The following HEPH variants were observed in gnomAD, a reference collection of about 807,000 sequenced individuals.
HEPH encodes hephaestin.
Under a neutral mutation model 80.8 loss-of-function variants are expected in HEPH, and 69 were observed. That is an observed-to-expected ratio of 0.85 (90% CI 0.70 to 1.04). The LOEUF (loss-of-function observed/expected upper bound fraction) is 1.04. HEPH is among the 50% of genes least tolerant of loss of function. The pLI is 0.00. For synonymous variants in HEPH, 431 were observed against 322.8 expected (o/e 1.34, Z -3.60); for missense variants, 1,115 against 891.3 (o/e 1.25, Z -3.20).
chrX:66,167,697 C>T (rs2086434676), intron 1 of HEPH, among the ~76,000 whole-genome samples: 2 of 112,109 alleles, frequency 1.8e-5, no homozygotes, highest in African/African-American at 6.5e-5. Flanking sequence ...GTATTGGCAG[C>T]ATGTGAAAGC....
At position 66,208,195 on chromosome X, in the gene HEPH, G is replaced by T; in HGVS notation, c.2512G>T (p.Ala838Ser). The change falls in exon 15 of 21, where the codon GCT becomes TCT. Residue 838 changes from alanine to serine, a missense_variant. By Grantham distance (99) the Ala-to-Ser change is moderately conservative (BLOSUM62 1). Around this residue, in one of 3 missense-constraint regions of HEPH, gnomAD observed 716 missense variants for 523.5 expected, o/e 1.37. Coordinates refer to ENST00000343002, the MANE Select transcript of HEPH (RefSeq NM_001367233.3). The part of the protein sequence containing the change: ...NNASRPYSVH[A>S]HGVLESTTVW... ...TGCCAGCCGCCCCTACTCTGTGCAT[G>T]CTCATGGAGTGCTAGAATCTACTAC... 1 of 1,208,250 alleles carries T rather than the reference G, an allele frequency of 8.3e-7. No individual in the cohort carries two copies. Among genetic ancestry groups the T allele is most frequent in the Non-Finnish European group, 1.1e-6 (1 of 892,655 alleles).
At position 66,164,339 on chromosome X, in the gene HEPH, T is replaced by G; in HGVS notation, c.-145T>G. The stretch of plus-strand genomic sequence containing the variant: ...AGTAAACCCTGCCAAATTGGAATCC[T>G]GGACTTAATTTAGGAGAAAGGCCCT... On this transcript the variant is annotated 5_prime_UTR_variant, in exon 1 of 21. Transcript: ENST00000343002. 1.3e-6 allele frequency: 1 copy of G among 754,054 alleles called. No homozygotes were observed. The highest frequency in any genetic ancestry group is 6.7e-5 in the South Asian group (1 of 14,816). 62.1% of individuals were successfully genotyped at this position (754,054 alleles called of 1,213,427 possible). A position where few individuals can be genotyped will look rare whatever the true frequency, so the allele number is the denominator to read the frequency against.
Position 66,217,674 on chromosome X carries a change from T to G in HEPH, c.2563+9428T>G, listed in dbSNP as rs975951043. Among the ~76,000 whole-genome samples, 4 of 111,329 alleles carry G rather than the reference T, an allele frequency of 3.6e-5. No homozygotes were observed. The Admixed American group carries it at 3.8e-4, about 11-fold the overall frequency. The stretch of plus-strand genomic sequence containing the variant: ...ACAAACAGCACAATGAATAGAACAA[T>G]ACCTTACATCTCACTACTAACATTT... On this transcript the variant is annotated intron_variant, in intron 15 of 20. Transcript: ENST00000343002.
intron 15 of HEPH, among the ~76,000 whole-genome samples, chrX:66,223,442 T>C (rs964780878): frequency 1.2e-4 from 13 of 111,594 alleles, no homozygotes; most frequent in African/African-American, 4.2e-4. Flanking sequence ...ATTTCACCTT[T>C]ATATTAGTAT....
chrX:66,189,536 G>T, intron 5 of HEPH, 148 bp from the exon 6 acceptor site: 5 of 567,332 alleles, frequency 8.8e-6, no homozygotes, highest in Non-Finnish European at 1.4e-5. Flanking sequence ...GGATGTTTTT[G>T]AGATTTAAAG....
intron 4 of HEPH, among the ~76,000 whole-genome samples, chrX:66,180,890 TC>T (rs1370341121): frequency 1.2e-5 from 1 of 86,882 alleles, no homozygotes; most frequent in African/African-American, 4.3e-5. Flanking sequence ...ATATTCCCCT[TC>T]CTGTGTCCAT....
At chrX:66,244,975 G>A (rs1282498968) in intron 15 of HEPH, among the ~76,000 whole-genome samples, 3 of 109,537 alleles carry the variant, frequency 2.7e-5, no homozygotes, top group African/African-American at 1.0e-4. Context: ...AGCAAATTAT[G>A]AAACATTATG....
intron 19 of HEPH, among the ~76,000 whole-genome samples, chrX:66,262,047 CT>C (rs1469654190): frequency 8.9e-6 from 1 of 112,382 alleles, no homozygotes; most frequent in Non-Finnish European, 1.9e-5. Flanking sequence ...GGAAGGATAG[CT>C]CATATCTCTC....
At position 66,192,205 on chromosome X, in the gene HEPH, G is replaced by A. The variant is rs376696395; in HGVS notation, c.1139G>A (p.Arg380Gln). ...GTGGACCTGCTCACAGGCAAAGTTC[G>A]ACAGTACTTCATTGAGGCCCATGAG... ...PPVDLLTGKV[R>Q]QYFIEAHEIQ... is the part of the protein sequence containing the mutation. Residue 380 changes from arginine to glutamine, a missense_variant, in exon 7 of 21, where the codon CGA (arginine) becomes CAA (glutamine). This residue lies in a region of HEPH where 391 missense variants were observed against 343.6 expected (regional missense o/e 1.14). Transcript: ENST00000343002. The A allele has an allele frequency of 9.9e-5, 120 of 1,209,064 alleles. No individual in the cohort carries two copies. The highest frequency in any genetic ancestry group is 3.2e-4 in the African/African-American group (18 of 57,090).
chrX:66,241,000 T>A (rs2090553513), intron 15 of HEPH, among the ~76,000 whole-genome samples: 1 of 111,949 alleles, frequency 8.9e-6, no homozygotes, highest in Non-Finnish European at 1.9e-5. Context: ...GCAATAAGCC[T>A]GGCCAACTTG....
intron 15 of HEPH, among the ~76,000 whole-genome samples, chrX:66,217,559 A>G (rs895439405): frequency 2.1e-4 from 24 of 111,638 alleles, no homozygotes; most frequent in African/African-American, 7.2e-4. Flanking sequence ...ACCAATCCTC[A>G]AACTACACCA....
At position 66,255,042 on chromosome X, in the gene HEPH, G is replaced by A. The variant is rs2148184948; in HGVS notation, c.2571G>A (p.Val857=). The A allele has an allele frequency of 8.4e-7, 1 of 1,191,486 alleles. No homozygotes were observed. The highest frequency in any genetic ancestry group is 1.8e-5 in the South Asian group (1 of 54,449). ...TCCTTGTTACACTTCTAGGTGAGGT[G>A]GTCACTTATCAGTGGAACATCCCAG... The part of the protein sequence containing the change: ...VWPLAAEPGE[V]VTYQWNIPER... Residue 857 remains valine (V), a synonymous_variant, in exon 16 of 21, where the codon GTG becomes GTA. Coordinates refer to ENST00000343002, the MANE Select transcript of HEPH (RefSeq NM_001367233.3).
chrX:66,242,797 T>A (rs1489734497), intron 15 of HEPH, among the ~76,000 whole-genome samples: 1 of 111,781 alleles, frequency 8.9e-6, no homozygotes, highest in African/African-American at 3.3e-5. Context: ...AAATGCAGAT[T>A]GAAACCGCAA....
chrX:66,226,857 AAAG>A (rs2089913825), intron 15 of HEPH, among the ~76,000 whole-genome samples: 1 of 111,865 alleles, frequency 8.9e-6, no homozygotes, highest in African/African-American at 3.2e-5. Flanking sequence ...TCAGACATGC[AAAG>A]AAGATTTGGT....
intron 15 of HEPH, among the ~76,000 whole-genome samples, chrX:66,232,457 C>A (rs950921268): frequency 9.0e-6 from 1 of 111,608 alleles, no homozygotes; most frequent in African/African-American, 3.3e-5. Context: ...AACCATACCA[C>A]TATTGAAAAT....
rs766076399 is a variant in HEPH, at chrX:66,189,724, C to T, written c.849C>T (p.Asn283=). 1 of 1,208,730 alleles carries T rather than the reference C, an allele frequency of 8.3e-7. No homozygotes were observed. The highest frequency in any genetic ancestry group is 1.1e-6 in the Non-Finnish European group (1 of 894,472). The change falls in exon 6 of 21, where the codon AAC becomes AAT. Residue 283 remains asparagine, a synonymous_variant. Coordinates refer to ENST00000343002, the MANE Select transcript of HEPH (RefSeq NM_001367233.3). ...GFVFGNLPEL[N]MCAQKRVAWH... The stretch of plus-strand genomic sequence containing the variant: ...TTTTTGGGAATTTACCTGAGCTGAA[C>T]ATGTGTGCACAGAAACGTGTGGCCT...
intron 15 of HEPH, among the ~76,000 whole-genome samples, chrX:66,241,464 T>C (rs987941402): frequency 2.7e-5 from 3 of 111,776 alleles, no homozygotes; most frequent in African/African-American, 3.3e-5. Flanking sequence ...GCTATTATTA[T>C]TCAAGATAAA....
chrX:66,186,411 G>C (rs371366840), intron 4 of HEPH, among the ~76,000 whole-genome samples: 2 of 111,805 alleles, frequency 1.8e-5, no homozygotes, highest in Non-Finnish European at 3.8e-5. Flanking sequence ...CGTGGTGCGC[G>C]GTTTCTTAAG....
Position 66,219,125 on chromosome X carries a change from G to A in HEPH, c.2563+10879G>A, listed in dbSNP as rs553275460. Among the ~76,000 whole-genome samples, 136 of 112,036 alleles carry A rather than the reference G, an allele frequency of 1.2e-3. 1 individual carries two copies. Among genetic ancestry groups the A allele is most frequent in the Middle Eastern group, 9.2e-3 (2 of 217 alleles). On this transcript the variant is annotated intron_variant, in intron 15 of 20. Coordinates refer to ENST00000343002, the MANE Select transcript of HEPH (RefSeq NM_001367233.3). ...GTGATTCATATAGTACACTTGTGCC[G>A]AAGTATTTTGGTGAACTAAGGTAGC...
Sources: allele counts gnomAD v4.1 joint callset (sites outside exome capture counted in the v4.1 genomes callset), GRCh38; gene constraint gnomAD v4.1.1; regional missense constraint gnomAD v4.1.1; transcripts MANE v1.5; gene names NCBI Gene and HGNC (gene_info 2026-07-23, HGNC 2026-07-21).